The following RFTN1 variants were observed in gnomAD, a reference collection of about 807,000 sequenced individuals.
The protein encoded by RFTN1 is raftlin, lipid raft linker 1, also known as raftlin.
RFTN1 carries 26 observed loss-of-function variants against 46.5 expected under a neutral mutation model. The ratio of observed to expected loss-of-function variants is 0.56; its 90% CI spans 0.41 to 0.78. RFTN1 has a LOEUF of 0.78. Among genes scored for constraint, RFTN1 ranks in the 30% least tolerant of loss-of-function variants. The pLI, the probability that RFTN1 is intolerant of heterozygous loss-of-function variation, is 0.00. For missense variants in RFTN1, 693 were observed against 718.7 expected, an observed-to-expected ratio of 0.96 and a Z score of 0.41; for synonymous variants, 261 against 284.2, an observed-to-expected ratio of 0.92 and a Z score of 0.82.
rs902762095 is a variant in RFTN1 at position 16,483,912 on chromosome 3, G to T, written c.145+9813C>A. Among the ~76,000 whole-genome samples, 2 of 152,162 alleles carry T rather than the reference G, an allele frequency of 1.3e-5. No individual in the cohort carries two copies. The highest frequency in any genetic ancestry group is 4.8e-5 in the African/African-American group (2 of 41,420). On this transcript the variant is annotated intron_variant, in intron 2 of 9. Coordinates refer to ENST00000334133, the MANE Select transcript of RFTN1 (RefSeq NM_015150.2). This position sits in a 1 kb window ranked among gnomAD's most constrained non-coding sequence, Gnocchi z 4.8. ...CTAAATCAGAAACTTTGAGGATGGG[G>T]CCCAGGACTCTGCATTTTGACAAGC...
chr3:16,350,770 T>C (rs2072044248), intron 7 of RFTN1, among the ~76,000 whole-genome samples: 1 of 152,288 alleles, frequency 6.6e-6, no homozygotes, highest in Admixed American at 6.5e-5. Flanking sequence ...AAATCATCCC[T>C]ATCACAGGAA....
In RFTN1 at chr3:16,460,817, C is replaced by T. The variant is rs1443314304; in HGVS notation, c.146-26780G>A. Among the ~76,000 whole-genome samples, 1 of 152,200 alleles carries T rather than the reference C, an allele frequency of 6.6e-6. No individual in the cohort carries two copies. Among genetic ancestry groups the T allele is most frequent in the Non-Finnish European group, 1.5e-5 (1 of 68,042 alleles). On this transcript the variant is annotated intron_variant, in intron 2 of 9. Coordinates refer to ENST00000334133, the MANE Select transcript of RFTN1 (RefSeq NM_015150.2). The surrounding 1 kb of genome is among the most constrained non-coding windows in gnomAD (Gnocchi z 4.8). ...CCAGAAAATCTGAGACATGTGGCCA[C>T]CACAGCTGTGAAGTGGCCCACTCTC...
At position 16,317,671 on chromosome 3, in the gene RFTN1, T is replaced by G. The variant is rs2068562861; in HGVS notation, c.1333-439A>C. ...AGGCACGGGGCTGGCATTCTCTCAC[T>G]AGGTCACCTGAGTAAGGCAGGGCCC... is the stretch of plus-strand genomic sequence containing the variant. On this transcript the variant is annotated intron_variant, in intron 9 of 9. Transcript: ENST00000334133. This position sits in a 1 kb window ranked among gnomAD's most constrained non-coding sequence, Gnocchi z 4.3. 6.6e-6 allele frequency among the ~76,000 whole-genome samples: 1 copy of G among 152,158 alleles called. No individual in the cohort carries two copies. The highest frequency in any genetic ancestry group is 2.4e-5 in the African/African-American group (1 of 41,422).
chr3:16,435,771 T>C (rs1378713726), intron 2 of RFTN1, among the ~76,000 whole-genome samples: 1 of 152,046 alleles, frequency 6.6e-6, no homozygotes, highest in Non-Finnish European at 1.5e-5. Context: ...TTATAGTACA[T>C]ATACAAAATA....
chr3:16,375,029 TGAG>T (rs1266469740), intron 5 of RFTN1, among the ~76,000 whole-genome samples: 2 of 152,132 alleles, frequency 1.3e-5, no homozygotes, highest in African/African-American at 2.4e-5. Flanking sequence ...ATAAATTAAC[TGAG>T]GAGAAGGAGG....
At chr3:16,477,863 A>T (rs2076307520) in intron 2 of RFTN1, among the ~76,000 whole-genome samples, 2 of 152,276 alleles carry the variant, frequency 1.3e-5, no homozygotes, top group Admixed American at 1.3e-4. Flanking sequence ...GTTGACGCAG[A>T]AGGCATTTCT....
Position 16,327,859 on chromosome 3 carries a change from G to A in RFTN1, c.1147-983C>T, listed in dbSNP as rs924319246. Among the ~76,000 whole-genome samples, 8 of 152,076 alleles carry A rather than the reference G, an allele frequency of 5.3e-5. No homozygotes were observed. Among genetic ancestry groups the A allele is most frequent in the African/African-American group, 1.4e-4 (6 of 41,416 alleles). On this transcript the variant is annotated intron_variant, in intron 7 of 9. Coordinates refer to ENST00000334133, the MANE Select transcript of RFTN1 (RefSeq NM_015150.2). This position sits in a 1 kb window ranked among gnomAD's most constrained non-coding sequence, Gnocchi z 4.2. ...TGCACTGGCTTCCACCTCTGCAGGC[G>A]TTCTCACTGCAACAGGCCTCATTTC...
chr3:16,394,858 G>C (rs2074432396), intron 4 of RFTN1, among the ~76,000 whole-genome samples: 1 of 152,120 alleles, frequency 6.6e-6, no homozygotes, highest in African/African-American at 2.4e-5. Flanking sequence ...ACTCAGGACA[G>C]AATTTCCAGA....
In RFTN1 at chr3:16,337,725, A is replaced by G. The variant is rs1333070667; in HGVS notation, c.1147-10849T>C. ...CCACTGCACTCCAGCCTGGCGACAG[A>G]GCGAGACTCCATCTCAAAAAAAAAA... On this transcript the variant is annotated intron_variant, in intron 7 of 9. Coordinates refer to ENST00000334133, the MANE Select transcript of RFTN1 (RefSeq NM_015150.2). The surrounding 1 kb of genome is among the most constrained non-coding windows in gnomAD (Gnocchi z 5.0). Among the ~76,000 whole-genome samples, 1 of 146,276 alleles carries G rather than the reference A, an allele frequency of 6.8e-6. No individual in the cohort carries two copies. The highest frequency in any genetic ancestry group is 2.0e-4 in the East Asian group (1 of 4,992).
Position 16,475,583 on chromosome 3 carries a change from G to A in RFTN1, c.145+18142C>T, listed in dbSNP as rs1001112347. Among the ~76,000 whole-genome samples, 43 of 152,224 alleles carry A rather than the reference G, an allele frequency of 2.8e-4. No individual in the cohort carries two copies. Among genetic ancestry groups the A allele is most frequent in the African/African-American group, 1.0e-3 (43 of 41,456 alleles). The stretch of plus-strand genomic sequence containing the variant: ...GTGCCATTGCTGCCATACAACAGGG[G>A]CAGAGAAGAGTATGCCTGGCACCTG... On this transcript the variant is annotated intron_variant, in intron 2 of 9. Coordinates refer to ENST00000334133, the MANE Select transcript of RFTN1 (RefSeq NM_015150.2). The surrounding 1 kb of genome is among the most constrained non-coding windows in gnomAD (Gnocchi z 4.2).
At chr3:16,358,321 T>C (rs1248633417) in intron 6 of RFTN1, among the ~76,000 whole-genome samples, 1 of 152,232 alleles carries the variant, frequency 6.6e-6, no homozygotes, top group Non-Finnish European at 1.5e-5. Flanking sequence ...TTCACACGTT[T>C]ACCTTCCTTT....
At chr3:16,372,974 T>C (rs529567479) in intron 5 of RFTN1, among the ~76,000 whole-genome samples, 2 of 152,336 alleles carry the variant, frequency 1.3e-5, no homozygotes, top group East Asian at 3.9e-4. Flanking sequence ...TCTCCAGTCC[T>C]TTCTCTACCC....
chr3:16,495,251 G>C (rs927799036), intron 1 of RFTN1, among the ~76,000 whole-genome samples: 1 of 152,210 alleles, frequency 6.6e-6, no homozygotes, highest in African/African-American at 2.4e-5. Flanking sequence ...TATGTAAAAG[G>C]CTGCATATTT....
rs537775177 is a variant in RFTN1, at chr3:16,480,572, G to A, written c.145+13153C>T. Among the ~76,000 whole-genome samples the A allele has an allele frequency of 1.3e-3, 201 of 152,242 alleles. 2 individuals are homozygous for A. Among genetic ancestry groups the A allele is most frequent in the African/African-American group, 4.6e-3 (193 of 41,524 alleles). On this transcript the variant is annotated intron_variant, in intron 2 of 9. Transcript: ENST00000334133. This position sits in a 1 kb window ranked among gnomAD's most constrained non-coding sequence, Gnocchi z 4.3. ...TGACCTTCTAGACTTAATGACAGTG[G>A]CATGCAACTTGAGGCCAGAATCACC...
At chr3:16,326,712 G>T in intron 8 of RFTN1, 61 bp downstream of exon 8, 1 of 1,294,502 alleles carries the variant, frequency 7.7e-7, no homozygotes. Context: ...TGCTCATTAG[G>T]AACAGTGACT....
rs1186675239 is a variant in RFTN1 at position 16,448,154 on chromosome 3, T to A, written c.146-14117A>T. ...AAAAAAAGTCTCCCAATAATAATTTTTTATTGATTCCATATTGAAATGATA... is the reference window on the plus strand; with the variant it reads ...AAAAAAAGTCTCCCAATAATAATTTATTATTGATTCCATATTGAAATGATA... On this transcript the variant is annotated intron_variant, in intron 2 of 9. Coordinates refer to ENST00000334133, the MANE Select transcript of RFTN1 (RefSeq NM_015150.2). This position sits in a 1 kb window ranked among gnomAD's most constrained non-coding sequence, Gnocchi z 4.1. 6.6e-6 allele frequency among the ~76,000 whole-genome samples: 1 copy of A among 152,158 alleles called. No individual in the cohort carries two copies. The highest frequency in any genetic ancestry group is 1.5e-5 in the Non-Finnish European group (1 of 68,022).
chr3:16,435,255 A>T, intron 2 of RFTN1, among the ~76,000 whole-genome samples: 1 of 152,314 alleles, frequency 6.6e-6, no homozygotes, highest in Non-Finnish European at 1.5e-5. Context: ...GCTTTTTAGA[A>T]TCAATTTTTA....
In RFTN1 at chr3:16,426,660, C is replaced by CGTGTGTGTGTGTGTGTGTGTGT. The variant is rs34705903; in HGVS notation, c.332+7169_332+7190dup. 2.1e-5 allele frequency among the ~76,000 whole-genome samples: 3 copies of CGTGTGTGTGTGTGTGTGTGTGT among 142,120 alleles called. No homozygotes were observed. Among genetic ancestry groups the CGTGTGTGTGTGTGTGTGTGTGT allele is most frequent in the African/African-American group, 5.3e-5 (2 of 37,600 alleles). The allele number at this position is 142,120 out of a possible 152,430, so 93.2% of individuals were successfully genotyped here. ...ACTGTTATTTTGGCAATGAAAGGAT[C>CGTGTGTGTGTGTGTGTGTGTGT]GTGTGTGTGTGTGTGTGTGTGTGTG... is the stretch of plus-strand genomic sequence containing the variant. On this transcript the variant is annotated intron_variant, in intron 3 of 9. Coordinates refer to ENST00000334133, the MANE Select transcript of RFTN1 (RefSeq NM_015150.2). The surrounding 1 kb of genome is among the most constrained non-coding windows in gnomAD (Gnocchi z 5.9).
chr3:16,408,152 C>T (rs999433459), intron 4 of RFTN1, among the ~76,000 whole-genome samples: 1 of 152,138 alleles, frequency 6.6e-6, no homozygotes, highest in Non-Finnish European at 1.5e-5. Flanking sequence ...TCCCCTCACT[C>T]CCTCCTGCCT....
Sources: allele counts gnomAD v4.1 joint callset (sites outside exome capture counted in the v4.1 genomes callset), GRCh38; gene constraint gnomAD v4.1.1; non-coding constraint Gnocchi (gnomAD v3.1); transcripts MANE v1.5; gene names NCBI Gene and HGNC (gene_info 2026-07-23, HGNC 2026-07-21).